Variants in AUTS2 observed in about 807,000 individuals in gnomAD.
The protein encoded by AUTS2 is autism susceptibility gene 2 protein.
Under a neutral mutation model 112.4 loss-of-function variants are expected in AUTS2, and 17 were observed. That is an observed-to-expected ratio of 0.15 (90% CI 0.10 to 0.23). The LOEUF (loss-of-function observed/expected upper bound fraction) is 0.23, where lower values mean the gene tolerates loss of function less well. Ranked by LOEUF, AUTS2 falls within the 10% of genes least tolerant of loss-of-function variation. AUTS2 has a pLI of 1.00. For synonymous variants in AUTS2, 751 were observed against 702.7 expected (o/e 1.07, Z -1.09); for missense variants, 1,510 against 1,701.6 (o/e 0.89, Z 1.98).
At chr7:70,195,257 T>C (rs577529697) in intron 4 of AUTS2, among the ~76,000 whole-genome samples, 1 of 152,272 alleles carries the variant, frequency 6.6e-6, no homozygotes, top group East Asian at 1.9e-4. Context: ...TGTAGGAAGG[T>C]AAAGTTGTGC....
chr7:70,367,528 C>A (rs1462879101), intron 4 of AUTS2, among the ~76,000 whole-genome samples: 2 of 151,002 alleles, frequency 1.3e-5, no homozygotes, highest in Non-Finnish European at 2.9e-5. Flanking sequence ...AGCACTCCAG[C>A]CTGGGAGACA....
At chr7:70,458,644 C>T (rs1458759728) in intron 5 of AUTS2, among the ~76,000 whole-genome samples, 1 of 152,108 alleles carries the variant, frequency 6.6e-6, no homozygotes, top group Non-Finnish European at 1.5e-5. Context: ...GAGGCATGTT[C>T]CACCTCCCTT....
intron 4 of AUTS2, among the ~76,000 whole-genome samples, chr7:70,266,689 G>A (rs1239124572): frequency 3.3e-5 from 5 of 151,992 alleles, no homozygotes; most frequent in African/African-American, 4.8e-5. Context: ...TAAAATGTGG[G>A]TGTATTTTAT....
intron 4 of AUTS2, among the ~76,000 whole-genome samples, chr7:70,369,495 C>A (rs1422317569): frequency 6.6e-6 from 1 of 151,836 alleles, no homozygotes; most frequent in Non-Finnish European, 1.5e-5. Context: ...TGGAGGGTGT[C>A]AAAGGAAGGA....
intron 4 of AUTS2, among the ~76,000 whole-genome samples, chr7:70,196,813 A>G (rs1584866340): frequency 1.3e-5 from 2 of 152,208 alleles, no homozygotes; most frequent in Admixed American, 6.5e-5. Flanking sequence ...TAGTTTTGGT[A>G]CTATTAATGG....
rs532716698 is a variant in AUTS2 at position 70,274,354 on chromosome 7, A to G, written c.660+139783A>G. On this transcript the variant is annotated intron_variant, in intron 4 of 18. Coordinates refer to ENST00000342771, the MANE Select transcript of AUTS2 (RefSeq NM_015570.4). The stretch of plus-strand genomic sequence containing the variant: ...GTTGCTCAGGCTAGAGTGCAGTAGT[A>G]TGAATCATGACTCTACTGCAGTCTA... Among the ~76,000 whole-genome samples, 3 of 152,062 alleles carry G rather than the reference A, an allele frequency of 2.0e-5. No homozygotes were observed. In the East Asian group the frequency reaches 5.8e-4, roughly 29 times the overall value.
intron 1 of AUTS2, among the ~76,000 whole-genome samples, chr7:69,735,622 C>T (rs1786994851): frequency 6.6e-6 from 1 of 152,130 alleles, no homozygotes; most frequent in Admixed American, 6.6e-5. Context: ...CCCTTTTCTC[C>T]CCAGAGCTAG....
chr7:70,593,338 G>A (rs1803039970), intron 5 of AUTS2, among the ~76,000 whole-genome samples: 1 of 152,082 alleles, frequency 6.6e-6, no homozygotes, highest in Admixed American at 6.6e-5. Context: ...TTTTTATATC[G>A]TGTTTTAATA....
At chr7:69,747,230 A>G (rs1404433984) in intron 1 of AUTS2, among the ~76,000 whole-genome samples, 1 of 152,226 alleles carries the variant, frequency 6.6e-6, no homozygotes, top group African/African-American at 2.4e-5. Flanking sequence ...CCACGCTTTG[A>G]GAACCACTGC....
At position 70,362,424 on chromosome 7, in the gene AUTS2, A is replaced by G. The variant is rs1585058139; in HGVS notation, c.661-73328A>G. ...ACACAATACATTGAGATTCTGCAGCAGAGAAGACATTCAAATCCTGAAATA... is the reference window on the plus strand; with the variant it reads ...ACACAATACATTGAGATTCTGCAGCGGAGAAGACATTCAAATCCTGAAATA... On this transcript the variant is annotated intron_variant, in intron 4 of 18. Coordinates refer to ENST00000342771, the MANE Select transcript of AUTS2 (RefSeq NM_015570.4). Among the ~76,000 whole-genome samples the G allele has an allele frequency of 2.0e-5, 3 of 152,190 alleles. No homozygotes were observed. In the South Asian group the frequency reaches 6.2e-4, roughly 32 times the overall value.
At chr7:70,319,938 T>C (rs1458075061) in intron 4 of AUTS2, among the ~76,000 whole-genome samples, 1 of 152,182 alleles carries the variant, frequency 6.6e-6, no homozygotes, top group African/African-American at 2.4e-5. Context: ...AACAAAATTA[T>C]CTCTCGTTCA....
chr7:70,333,992 G>T (rs766533639), intron 4 of AUTS2, among the ~76,000 whole-genome samples: 5 of 152,092 alleles, frequency 3.3e-5, no homozygotes, highest in Non-Finnish European at 7.4e-5. Flanking sequence ...ATTTTTGTGT[G>T]TTGATCTTGC....
intron 4 of AUTS2, among the ~76,000 whole-genome samples, chr7:70,417,528 A>G (rs1458615886): frequency 6.6e-6 from 1 of 152,182 alleles, no homozygotes; most frequent in Non-Finnish European, 1.5e-5. Flanking sequence ...AGAGCTTTGC[A>G]ATGTGCGCTG....
At chr7:70,448,272 G>A (rs1185598531) in intron 5 of AUTS2, among the ~76,000 whole-genome samples, 1 of 152,094 alleles carries the variant, frequency 6.6e-6, no homozygotes, top group Non-Finnish European at 1.5e-5. Flanking sequence ...ACCATCACCT[G>A]TGTACATGAT....
At chr7:70,250,992 A>G (rs559736039) in intron 4 of AUTS2, among the ~76,000 whole-genome samples, 3 of 152,294 alleles carry the variant, frequency 2.0e-5, no homozygotes, top group African/African-American at 7.2e-5. Context: ...AAACCTGCAC[A>G]TGTACCCCTG....
intron 4 of AUTS2, among the ~76,000 whole-genome samples, chr7:70,274,912 A>G (rs539596411): frequency 6.6e-6 from 1 of 152,252 alleles, no homozygotes; most frequent in Non-Finnish European, 1.5e-5. Flanking sequence ...GGAATTAAAA[A>G]CAGGGACTTG....
intron 1 of AUTS2, among the ~76,000 whole-genome samples, chr7:69,828,921 T>A (rs568219837): frequency 6.6e-6 from 1 of 152,186 alleles, no homozygotes; most frequent in African/African-American, 2.4e-5. Flanking sequence ...GAACTTGTAT[T>A]TCTTCTTATT....
intron 5 of AUTS2, among the ~76,000 whole-genome samples, chr7:70,492,382 A>C (rs534408941): frequency 1.3e-5 from 2 of 152,234 alleles, no homozygotes; most frequent in South Asian, 4.2e-4. Flanking sequence ...GGGCAGAACA[A>C]TTGGGGTGAG....
intron 5 of AUTS2, among the ~76,000 whole-genome samples, chr7:70,662,083 G>T (rs1286945428): frequency 6.6e-6 from 1 of 152,172 alleles, no homozygotes; most frequent in Admixed American, 6.5e-5. Flanking sequence ...TGGGCCAGGT[G>T]GGGGCTGTCG....
Sources: allele counts gnomAD v4.1 joint callset (sites outside exome capture counted in the v4.1 genomes callset), GRCh38; gene constraint gnomAD v4.1.1; transcripts MANE v1.5; gene names NCBI Gene and HGNC (gene_info 2026-07-23, HGNC 2026-07-21).